Variants in NFIB observed in about 807,000 individuals in gnomAD.
The protein encoded by NFIB is nuclear factor 1 B-type.
In NFIB, 11 loss-of-function variants were observed where a neutral mutation model predicts 61.5. The ratio of observed to expected loss-of-function variants is 0.18; its 90% CI spans 0.11 to 0.30. The LOEUF is 0.30. Among genes scored for constraint, NFIB ranks in the 10% least tolerant of loss-of-function variants. The pLI, the probability that NFIB is intolerant of heterozygous loss-of-function variation, is 1.00. For missense variants in NFIB, 471 were observed against 608.9 expected (o/e 0.77, Z 2.38); for synonymous variants, 260 against 216.5 (o/e 1.20, Z -1.76).
At chr9:14,140,772 C>A (rs2041604451) in intron 6 of NFIB, among the ~76,000 whole-genome samples, 2 of 151,998 alleles carry the variant, frequency 1.3e-5, no homozygotes, top group East Asian at 1.9e-4. Flanking sequence ...CAGCTCTACA[C>A]AAAATTTAAA....
chr9:14,205,394 T>C (rs1287116534), intron 2 of NFIB, among the ~76,000 whole-genome samples: 1 of 151,062 alleles, frequency 6.6e-6, no homozygotes, highest in Non-Finnish European at 1.5e-5. Flanking sequence ...TAAAAAACAC[T>C]TGAAGAATTA....
chr9:14,462,139 G>A, the NFIB span, among the ~76,000 whole-genome samples: 2 of 152,118 alleles, frequency 1.3e-5, no homozygotes, highest in Admixed American at 6.5e-5. Flanking sequence ...TAAATTATTT[G>A]CAAGTTAAAT....
rs2133008538 is a variant in NFIB at position 14,383,388 on chromosome 9, G to A, written c.108+15136C>T. 2.0e-5 allele frequency among the ~76,000 whole-genome samples: 3 copies of A among 152,256 alleles called. No individual in the cohort carries two copies. The South Asian group carries it at 6.2e-4, about 32-fold the overall frequency. On this transcript the variant is annotated intron_variant, in intron 1 of 8. Transcript: ENST00000380934. ...TGTTTGCCTCCTGGGTTGAAAGGAAGGAGGTATTCTAGAATTAATAATTCA... is the reference window on the plus strand; with the variant it reads ...TGTTTGCCTCCTGGGTTGAAAGGAAAGAGGTATTCTAGAATTAATAATTCA...
the NFIB span, among the ~76,000 whole-genome samples, chr9:14,433,256 T>G: frequency 6.6e-6 from 1 of 152,232 alleles, no homozygotes. Flanking sequence ...CCCAGTCTTT[T>G]GGAAAATGTC....
At chr9:14,348,323 G>C (rs1044469602) in intron 1 of NFIB, among the ~76,000 whole-genome samples, 1 of 142,248 alleles carries the variant, frequency 7.0e-6, no homozygotes, top group Admixed American at 7.1e-5. Context: ...GGGTTCTGTA[G>C]TAACTACCGG....
At chr9:14,503,514 T>C in the NFIB span, among the ~76,000 whole-genome samples, 1 of 152,220 alleles carries the variant, frequency 6.6e-6, no homozygotes, top group African/African-American at 2.4e-5. Flanking sequence ...CATTTGATTA[T>C]GGGCATTCTT....
rs565513629 is a variant in NFIB, at chr9:14,278,740, T to C, written c.562+28249A>G. Reference sequence around the variant, plus strand: ...CCCACCATGATTCAGAAGCAGTGACTTTCTTGGGACAAACTGAAAAACGAA... The same window carrying C: ...CCCACCATGATTCAGAAGCAGTGACCTTCTTGGGACAAACTGAAAAACGAA... On this transcript the variant is annotated intron_variant, in intron 2 of 10. Coordinates refer to ENST00000380953, the MANE Select transcript of NFIB (RefSeq NM_001190737.2). Among the ~76,000 whole-genome samples the C allele has an allele frequency of 4.6e-5, 7 of 152,292 alleles. No individual in the cohort carries two copies. In the South Asian group the frequency reaches 8.3e-4, roughly 18 times the overall value.
intron 6 of NFIB, among the ~76,000 whole-genome samples, chr9:14,127,352 A>C (rs1191805728): frequency 6.6e-6 from 1 of 152,208 alleles, no homozygotes; most frequent in Non-Finnish European, 1.5e-5. Context: ...TTTATTATGA[A>C]AAATGTTAAC....
At chr9:14,161,011 A>T (rs2044135732) in intron 3 of NFIB, among the ~76,000 whole-genome samples, 1 of 152,060 alleles carries the variant, frequency 6.6e-6, no homozygotes, top group African/African-American at 2.4e-5. Flanking sequence ...TATGATTGCA[A>T]TTGTTCACTT....
chr9:14,343,675 G>A (rs1279892404), intron 1 of NFIB, among the ~76,000 whole-genome samples: 1 of 152,026 alleles, frequency 6.6e-6, no homozygotes, highest in Non-Finnish European at 1.5e-5. Context: ...TTAAAGTTTG[G>A]TGGAGAAGGG....
chr9:14,127,314 T>C (rs1407629109), intron 6 of NFIB, among the ~76,000 whole-genome samples: 3 of 152,204 alleles, frequency 2.0e-5, no homozygotes, highest in East Asian at 3.9e-4. Flanking sequence ...TAAAATGTTA[T>C]AAAAATGATG....
intron 4 of NFIB, among the ~76,000 whole-genome samples, chr9:14,154,572 C>T (rs1587097032): frequency 6.6e-6 from 1 of 152,098 alleles, no homozygotes; most frequent in East Asian, 1.9e-4. Flanking sequence ...ATCTCCTTGC[C>T]CATCGAATAC....
chr9:14,505,521 C>T, the NFIB span, among the ~76,000 whole-genome samples: 1 of 152,132 alleles, frequency 6.6e-6, no homozygotes, highest in African/African-American at 2.4e-5. Flanking sequence ...GTCTAGGGGT[C>T]ACCCCCTGAT....
At chr9:14,398,482 T>C in intron 1 of NFIB, 1 of 1,431,422 alleles carries the variant, frequency 7.0e-7, no homozygotes. Flanking sequence ...TTGGGACCTA[T>C]TTGAAAGAAA....
In NFIB at chr9:14,087,512, C is replaced by T. The variant is rs2033037089; in HGVS notation, c.*797G>A. 8.8e-6 allele frequency: 2 copies of T among 226,298 alleles called. No individual in the cohort carries two copies. Among genetic ancestry groups the T allele is most frequent in the Non-Finnish European group, 1.8e-5 (2 of 113,534 alleles). The allele number at this position is 226,298 out of a possible 1,614,324, so 14.0% of individuals were successfully genotyped here. ...GTTGCATGCAGAGAGAACACTTCACCTACATAGAGGCATTTCTTCCATAGA... is the reference window on the plus strand; with the variant it reads ...GTTGCATGCAGAGAGAACACTTCACTTACATAGAGGCATTTCTTCCATAGA... On this transcript the variant is annotated 3_prime_UTR_variant, in exon 11 of 11. Coordinates refer to ENST00000380953, the MANE Select transcript of NFIB (RefSeq NM_001190737.2).
chr9:14,372,107 A>C (rs909720447), intron 1 of NFIB, among the ~76,000 whole-genome samples: 4 of 151,906 alleles, frequency 2.6e-5, no homozygotes, highest in African/African-American at 9.7e-5. Context: ...GCCCTGCCAA[A>C]ACTGTTTTTT....
chr9:14,298,648 G>A (rs977496369), intron 2 of NFIB, among the ~76,000 whole-genome samples: 13 of 152,072 alleles, frequency 8.5e-5, no homozygotes, highest in Non-Finnish European at 1.3e-4. Flanking sequence ...GCAGACGGAC[G>A]CCTTGAATCC....
chr9:14,114,006 T>C (rs887121684), intron 9 of NFIB, among the ~76,000 whole-genome samples: 4 of 152,182 alleles, frequency 2.6e-5, no homozygotes, highest in African/African-American at 9.7e-5. Context: ...CTGCTCCATA[T>C]TACCATATAT....
chr9:14,488,907 T>C, the NFIB span, among the ~76,000 whole-genome samples: 3 of 152,214 alleles, frequency 2.0e-5, no homozygotes, highest in Non-Finnish European at 4.4e-5. Context: ...CTGTCTCCAG[T>C]GGAAAGTTTG....
Sources: gnomAD v4.1 joint callset for allele counts (sites outside exome capture counted in the v4.1 genomes callset) on GRCh38, gnomAD v4.1.1 for gene constraint, MANE v1.5 for transcripts, NCBI Gene and HGNC (gene_info 2026-07-23, HGNC 2026-07-21) for gene names.